The following STAT3 variants were observed in gnomAD, a reference collection of about 807,000 sequenced individuals.
The protein encoded by STAT3 is DNA-binding protein APRF.
STAT3 carries 7 observed loss-of-function variants against 114.3 expected under a neutral mutation model. The observed-to-expected ratio is 0.06, with a 90% CI of 0.03 to 0.11. The LOEUF (loss-of-function observed/expected upper bound fraction) is 0.11. Among genes scored for constraint, STAT3 ranks in the 10% least tolerant of loss-of-function variants. The probability of loss-of-function intolerance (pLI) is 1.00; values close to 1 mark genes in which losing one functional copy is unlikely to be tolerated. For synonymous variants in STAT3, 331 were observed against 354.5 expected, an observed-to-expected ratio of 0.93 and a Z score of 0.74; for missense variants, 364 against 960.9, an observed-to-expected ratio of 0.38 and a Z score of 8.21.
chr17:42,345,761 A>C, intron 3 of STAT3, 104 bp from the exon 4 acceptor site: 1 of 1,136,486 alleles, frequency 8.8e-7, no homozygotes, highest in East Asian at 2.6e-5. Context: ...GAAAGCATTT[A>C]TTCTAGGAAA....
intron 21 of STAT3, among the ~76,000 whole-genome samples, chr17:42,319,521 G>A (rs1253492252): frequency 7.2e-5 from 8 of 111,740 alleles, no homozygotes; most frequent in South Asian, 3.2e-4. Context: ...CAGTCTGGAC[G>A]ATAGAGCGAG....
At chr17:42,339,507 TG>T in intron 4 of STAT3, 98 bp from the exon 5 acceptor site, 1 of 1,223,956 alleles carries the variant, frequency 8.2e-7, no homozygotes, top group Middle Eastern at 1.9e-4. Flanking sequence ...CCTTCTTGTT[TG>T]GCTTGAGACG....
At chr17:42,364,175 C>T (rs1396032274) in intron 1 of STAT3, among the ~76,000 whole-genome samples, 3 of 152,118 alleles carry the variant, frequency 2.0e-5, no homozygotes, top group African/African-American at 7.2e-5. Flanking sequence ...ATGATGGCCA[C>T]GATACTGAAA....
intron 1 of STAT3, among the ~76,000 whole-genome samples, chr17:42,364,347 T>A (rs2083668261): frequency 6.6e-6 from 1 of 152,170 alleles, no homozygotes; most frequent in Non-Finnish European, 1.5e-5. Flanking sequence ...TGCCAAACTT[T>A]TCAAAAGAAA....
At chr17:42,385,856 CA>C (rs1359027870) in intron 1 of STAT3, among the ~76,000 whole-genome samples, 1 of 152,190 alleles carries the variant, frequency 6.6e-6, no homozygotes, top group African/African-American at 2.4e-5. Context: ...CCAAGTTAGA[CA>C]TAGCAATTAG....
chr17:42,313,880 AC>A lies in STAT3; in HGVS notation c.*1864del, dbSNP rs1322600385. On this transcript the variant is annotated 3_prime_UTR_variant, in exon 24 of 24. Coordinates refer to ENST00000264657, the MANE Select transcript of STAT3 (RefSeq NM_139276.3). ...TCTCCAGGCAGGAGGACTGGGGCGA[AC>A]CCTGTTCATCTTAGAGAAGGTCGTC... is the stretch of plus-strand genomic sequence containing the variant. 1 of 232,536 alleles carries A rather than the reference AC, an allele frequency of 4.3e-6. No homozygotes were observed. The allele number at this position is 232,536 out of a possible 1,614,324, so 14.4% of individuals were successfully genotyped here. A position where few individuals can be genotyped will look rare whatever the true frequency, so the allele number is the denominator to read the frequency against.
intron 22 of STAT3, 126 bp downstream of exon 22, chr17:42,317,056 T>C (rs2081282077): frequency 2.5e-6 from 4 of 1,575,516 alleles, no homozygotes; most frequent in African/African-American, 1.4e-5. Flanking sequence ...CAAGGTCACT[T>C]TGAGTACTAA....
At chr17:42,373,316 C>T (rs2084262753) in intron 1 of STAT3, among the ~76,000 whole-genome samples, 3 of 151,936 alleles carry the variant, frequency 2.0e-5, no homozygotes, top group Non-Finnish European at 4.4e-5. Flanking sequence ...TGCCATTGCA[C>T]TCCAGCCTGG....
rs759676110 is a variant in STAT3, at chr17:42,345,604, C to T, written c.327G>A (p.Leu109=). Residue 109 remains leucine (L), a synonymous_variant, in exon 4 of 24, where the codon CTG becomes CTA. Transcript: ENST00000264657. The stretch of plus-strand genomic sequence containing the variant: ...TCTGTAGAAGGCGTGATTCTTCCCA[C>T]AGGCACCGGGCCACAATCCGGGCAA... The part of the protein sequence containing the change: ...MEIARIVARC[L]WEESRLLQTA... 7.5e-6 allele frequency: 12 copies of T among 1,608,764 alleles called. No homozygotes were observed. In the Admixed American group the frequency reaches 1.8e-4, roughly 25 times the overall value.
intron 2 of STAT3, 70 bp from the exon 3 acceptor site, chr17:42,346,783 T>A (rs1004794519): frequency 1.2e-6 from 2 of 1,609,582 alleles, no homozygotes; most frequent in African/African-American, 2.7e-5. Context: ...GAAATCACCA[T>A]CAAGAAAGAG....
intron 1 of STAT3, among the ~76,000 whole-genome samples, chr17:42,361,527 G>A (rs1183647576): frequency 1.3e-5 from 2 of 151,472 alleles, no homozygotes; most frequent in Non-Finnish European, 2.9e-5. Flanking sequence ...TGAGGCCAAA[G>A]AATAATAATA....
At chr17:42,345,971 TCAAA>T (rs1008449780) in intron 3 of STAT3, among the ~76,000 whole-genome samples, 1 of 149,592 alleles carries the variant, frequency 6.7e-6, no homozygotes, top group African/African-American at 2.5e-5. Context: ...CCTCCCAGGC[TCAAA>T]CAATTTTCTC....
intron 4 of STAT3, 101 bp downstream of exon 4, chr17:42,345,458 T>C: frequency 6.9e-6 from 7 of 1,020,594 alleles, no homozygotes; most frequent in Non-Finnish European, 1.0e-5. Context: ...ATTTAATTTC[T>C]TTTCCTTCTT....
rs397857989 is a variant in STAT3, at chr17:42,313,379, CAAAAAAA to C, written c.*2359_*2365del. 88 of 86,332 alleles carry C rather than the reference CAAAAAAA, an allele frequency of 1.0e-3. No individual in the cohort carries two copies. Among genetic ancestry groups the C allele is most frequent in the South Asian group, 1.7e-3 (3 of 1,794 alleles). 5.3% of individuals were successfully genotyped at this position (86,332 alleles called of 1,614,324 possible). On this transcript the variant is annotated 3_prime_UTR_variant, in exon 24 of 24. Coordinates refer to ENST00000264657, the MANE Select transcript of STAT3 (RefSeq NM_139276.3). ...AGTTAAAGTAGATACAGCAATATACCAAAAAAAAAAAAAAAAAAAAAAGACAAAAAAC... is the reference window on the plus strand; with the variant it reads ...AGTTAAAGTAGATACAGCAATATACCAAAAAAAAAAAAAAAGACAAAAAAC...
chr17:42,383,055 G>A (rs929032506), intron 1 of STAT3, among the ~76,000 whole-genome samples: 6 of 151,826 alleles, frequency 4.0e-5, no homozygotes, highest in African/African-American at 1.5e-4. Flanking sequence ...CTGAAGACAT[G>A]TAGCATTCAG....
At chr17:42,339,430 G>T in intron 4 of STAT3, 21 bp from the exon 5 acceptor site, 1 of 1,611,892 alleles carries the variant, frequency 6.2e-7, no homozygotes, top group Non-Finnish European at 8.5e-7. Context: ...GGAGGTCAAT[G>T]CACATGTGAA....
intron 21 of STAT3, among the ~76,000 whole-genome samples, chr17:42,320,501 G>A (rs1287015998): frequency 6.6e-6 from 1 of 152,098 alleles, no homozygotes; most frequent in Non-Finnish European, 1.5e-5. Context: ...AGGCTGAAGT[G>A]GGCAGATCAC....
At chr17:42,321,459 C>T (rs1413158787) in intron 21 of STAT3, among the ~76,000 whole-genome samples, 1 of 152,012 alleles carries the variant, frequency 6.6e-6, no homozygotes, top group Non-Finnish European at 1.5e-5. Flanking sequence ...AGTACATGTC[C>T]TCTTACACAT....
chr17:42,372,682 T>C (rs1338970672), intron 1 of STAT3, among the ~76,000 whole-genome samples: 1 of 152,068 alleles, frequency 6.6e-6, no homozygotes, highest in Non-Finnish European at 1.5e-5. Flanking sequence ...TGAAATGTAA[T>C]GTAAACTATG....
Sources: allele counts gnomAD v4.1 joint callset (sites outside exome capture counted in the v4.1 genomes callset), GRCh38; gene constraint gnomAD v4.1.1; transcripts MANE v1.5; gene names NCBI Gene and HGNC (gene_info 2026-07-23, HGNC 2026-07-21).